The following GRIN2A variants were observed in gnomAD, a reference collection of about 807,000 sequenced individuals.
GRIN2A encodes the protein glutamate ionotropic receptor NMDA type subunit 2A.
Under a neutral mutation model 113.4 loss-of-function variants are expected in GRIN2A, and 22 were observed. That is an observed-to-expected ratio of 0.19 (90% confidence interval 0.14 to 0.28). GRIN2A has a LOEUF of 0.28. Among genes scored for constraint, GRIN2A ranks in the 10% least tolerant of loss-of-function variants. The pLI is 1.00. For missense variants in GRIN2A, 1,502 were observed against 1,887.0 expected (o/e 0.80, Z 3.78); for synonymous variants, 827 against 738.4 (o/e 1.12, Z -1.94).
intron 4 of GRIN2A, among the ~76,000 whole-genome samples, chr16:9,854,281 A>G (rs2042932085): frequency 6.6e-6 from 1 of 152,130 alleles, no homozygotes; most frequent in African/African-American, 2.4e-5. Context: ...TCTTACTGCA[A>G]CTTCAGCCCC....
In GRIN2A at chr16:9,833,986, G is replaced by C. The variant is rs985848208; in HGVS notation, c.1777+119C>G. 5.3e-5 allele frequency: 53 copies of C among 995,742 alleles called. No individual in the cohort carries two copies. In the East Asian group the frequency reaches 1.2e-3, roughly 23 times the overall value. The allele number at this position is 995,742 out of a possible 1,614,324, so 61.7% of individuals were successfully genotyped here. A position where few individuals can be genotyped will look rare whatever the true frequency, so the allele number is the denominator to read the frequency against. ...CCCACCTCGGTCTCCCAAAGTGCTG[G>C]GATTACAGGCGTGAGCCACCATGCC... On this transcript the variant is annotated intron_variant, in intron 8 of 12. Transcript: ENST00000330684.
chr16:9,947,546 T>A (rs2045048130), intron 2 of GRIN2A, among the ~76,000 whole-genome samples: 1 of 152,206 alleles, frequency 6.6e-6, no homozygotes, highest in African/African-American at 2.4e-5. Context: ...TGGTAAACAT[T>A]ATCGTCGAAA....
intron 10 of GRIN2A, among the ~76,000 whole-genome samples, chr16:9,818,580 AAATT>A (rs1288268178): frequency 6.6e-6 from 1 of 152,144 alleles, no homozygotes; most frequent in Non-Finnish European, 1.5e-5. Flanking sequence ...TCCAATATAT[AAATT>A]AATAAGAAAA....
At chr16:10,110,196 G>C (rs1330008211) in intron 2 of GRIN2A, among the ~76,000 whole-genome samples, 1 of 152,150 alleles carries the variant, frequency 6.6e-6, no homozygotes, top group African/African-American at 2.4e-5. Flanking sequence ...CTGGGCAAAG[G>C]GAGTGGCACA....
At chr16:9,856,448 G>A (rs1336327050) in intron 4 of GRIN2A, among the ~76,000 whole-genome samples, 3 of 151,278 alleles carry the variant, frequency 2.0e-5, no homozygotes, top group Non-Finnish European at 2.9e-5. Context: ...GTGAAACCCC[G>A]TCTCTACTAA....
At chr16:9,929,313 G>T (rs2044536498) in intron 3 of GRIN2A, among the ~76,000 whole-genome samples, 1 of 152,140 alleles carries the variant, frequency 6.6e-6, no homozygotes, top group African/African-American at 2.4e-5. Context: ...AATTTAACAT[G>T]TCTAAAATTG....
intron 2 of GRIN2A, among the ~76,000 whole-genome samples, chr16:10,091,064 C>T (rs1596495025): frequency 6.6e-6 from 1 of 152,162 alleles, no homozygotes; most frequent in African/African-American, 2.4e-5. Flanking sequence ...CAAGGATTCA[C>T]AGAAACTGAA....
intron 2 of GRIN2A, among the ~76,000 whole-genome samples, chr16:10,041,496 T>A: frequency 6.6e-6 from 1 of 152,164 alleles, no homozygotes; most frequent in East Asian, 1.9e-4. Flanking sequence ...TAAGGCAAGG[T>A]GGTGTCCCCT....
intron 2 of GRIN2A, among the ~76,000 whole-genome samples, chr16:10,173,276 G>T (rs749187125): frequency 4.6e-5 from 7 of 152,150 alleles, no homozygotes; most frequent in Non-Finnish European, 8.8e-5. Flanking sequence ...TGCCCTTTTC[G>T]AGAGCTCTCA....
chr16:9,758,186 C>G lies in GRIN2A; in HGVS notation c.*4963G>C. ...GACCCTTCTGGGCAGGCACTTCTAGCTAATACTATACTGAAAGTACTGCTG... is the reference window on the plus strand; with the variant it reads ...GACCCTTCTGGGCAGGCACTTCTAGGTAATACTATACTGAAAGTACTGCTG... On this transcript the variant is annotated 3_prime_UTR_variant, in exon 13 of 13. Transcript: ENST00000330684. The G allele has an allele frequency of 4.6e-6, 1 of 218,976 alleles. No individual in the cohort carries two copies. The highest frequency in any genetic ancestry group is 9.2e-6 in the Non-Finnish European group (1 of 108,972). The allele number at this position is 218,976 out of a possible 1,614,324, so 13.6% of individuals were successfully genotyped here. A position where few individuals can be genotyped will look rare whatever the true frequency, so the allele number is the denominator to read the frequency against.
chr16:10,037,137 C>A (rs1475432434), intron 2 of GRIN2A: 1 of 152,144 alleles, frequency 6.6e-6, no homozygotes, highest in Non-Finnish European at 1.5e-5. Flanking sequence ...GAGAGTTCCG[C>A]CTCGGTTAGC....
At chr16:9,988,292 T>C (rs368786667) in intron 2 of GRIN2A, among the ~76,000 whole-genome samples, 3 of 137,928 alleles carry the variant, frequency 2.2e-5, no homozygotes, top group Non-Finnish European at 3.2e-5. Flanking sequence ...TGCGTGTGTG[T>C]GTGTGTGTGT....
At chr16:10,172,941 C>A (rs140321977) in intron 2 of GRIN2A, among the ~76,000 whole-genome samples, 3 of 152,306 alleles carry the variant, frequency 2.0e-5, no homozygotes, top group Non-Finnish European at 2.9e-5. Flanking sequence ...CTTTCTCTCT[C>A]TTTCCCCACT....
intron 11 of GRIN2A, among the ~76,000 whole-genome samples, chr16:9,788,274 T>G (rs926658342): frequency 2.2e-4 from 33 of 152,206 alleles, no homozygotes; most frequent in East Asian, 9.7e-4. Flanking sequence ...TCTTTTTTTT[T>G]GGGATGGAGT....
At chr16:9,797,672 C>G (rs994562807) in intron 11 of GRIN2A, among the ~76,000 whole-genome samples, 1 of 152,146 alleles carries the variant, frequency 6.6e-6, no homozygotes, top group African/African-American at 2.4e-5. Context: ...AATCCTTTCT[C>G]TGGAGTGAAA....
intron 10 of GRIN2A, among the ~76,000 whole-genome samples, chr16:9,813,607 T>G (rs2042131393): frequency 6.6e-6 from 1 of 151,302 alleles, no homozygotes; most frequent in African/African-American, 2.4e-5. Flanking sequence ...TTTTCTACTT[T>G]AAAAAAAGTT....
chr16:9,803,536 C>T (rs1051901214), intron 10 of GRIN2A, among the ~76,000 whole-genome samples: 2 of 152,150 alleles, frequency 1.3e-5, no homozygotes, highest in Non-Finnish European at 2.9e-5. Context: ...AACAAATGCT[C>T]GAAACACATA....
intron 2 of GRIN2A, among the ~76,000 whole-genome samples, chr16:9,944,783 G>T (rs78014934): frequency 6.6e-6 from 1 of 152,118 alleles, no homozygotes; most frequent in African/African-American, 2.4e-5. Context: ...AAGACTGCCC[G>T]TGGGCAGGAA....
At position 9,798,340 on chromosome 16, in the gene GRIN2A, G is replaced by A; in HGVS notation, c.2293C>T (p.Leu765Phe). ...IFATTGYGIA[L>F]QKGSPWKRQI... ...CTCTTCCAAGGAGAGCCTTTCTGAA[G>A]GGCAATTCCATAACCGGTGGTGGCA... Residue 765 changes from leucine (L) to phenylalanine (F), a missense_variant, in exon 11 of 13, where the codon CTT becomes TTT. Transcript: ENST00000330684. The A allele has an allele frequency of 3.1e-6, 5 of 1,614,082 alleles. No individual in the cohort carries two copies. The highest frequency in any genetic ancestry group is 3.4e-6 in the Non-Finnish European group (4 of 1,179,980).
Sources: gnomAD v4.1 joint callset for allele counts (sites outside exome capture counted in the v4.1 genomes callset) on GRCh38, gnomAD v4.1.1 for gene constraint, MANE v1.5 for transcripts, NCBI Gene and HGNC (gene_info 2026-07-23, HGNC 2026-07-21) for gene names.